CELSR1: variants seen among roughly 807,000 people sequenced by gnomAD.
CELSR1 encodes the protein cadherin EGF LAG seven-pass G-type receptor 1.
A neutral mutation model predicts 249.1 loss-of-function variants in CELSR1; 110 were observed. The ratio of observed to expected loss-of-function variants is 0.44; its 90% CI spans 0.38 to 0.52. CELSR1 has a LOEUF of 0.52. CELSR1 is among the 20% of genes least tolerant of loss of function. CELSR1 has a pLI of 0.00. For missense variants in CELSR1, 4,109 were observed against 4,296.4 expected, an observed-to-expected ratio of 0.96 and a Z score of 1.22; for synonymous variants, 2,113 against 1,900.0, an observed-to-expected ratio of 1.11 and a Z score of -2.92.
In CELSR1 at chr22:46,386,387, C is replaced by T. The variant is rs764493064; in HGVS notation, c.6739+15G>A. On this transcript the variant is annotated intron_variant, in intron 19 of 34. Transcript: ENST00000674500. ...TGGTAGCAGGGTTCCACCCCCAACG[C>T]AGCCAGCGCCTTACTCATGTTGGCG... 1 of 1,534,526 alleles carries T rather than the reference C, an allele frequency of 6.5e-7. No individual in the cohort carries two copies. Among genetic ancestry groups the T allele is most frequent in the Non-Finnish European group, 8.8e-7 (1 of 1,138,424 alleles).
At chr22:46,392,311 C>T (rs1055448924) in intron 14 of CELSR1, among the ~76,000 whole-genome samples, 1 of 152,168 alleles carries the variant, frequency 6.6e-6, no homozygotes, top group African/African-American at 2.4e-5. Context: ...GTCACCGGGA[C>T]TCCCCAGGCC....
chr22:46,475,917 C>T (rs984276334), intron 1 of CELSR1, among the ~76,000 whole-genome samples: 2 of 152,098 alleles, frequency 1.3e-5, no homozygotes, highest in African/African-American at 4.8e-5. Flanking sequence ...CTTGATGGAA[C>T]CTTCTGGAAG....
At position 46,386,572 on chromosome 22, in the gene CELSR1, G is replaced by A. The variant is rs768579139; in HGVS notation, c.6569C>T (p.Ser2190Leu). The A allele has an allele frequency of 3.3e-5, 52 of 1,594,520 alleles. No individual in the cohort carries two copies. The highest frequency in any genetic ancestry group is 2.1e-4 in the African/African-American group (16 of 74,616). ...DADFHEDVIH[S>L]GSALLAPATR... ...GGCTGGGGCCAGGAGGGCGCTGCCCGAGTGGATGACGTCCTGGTCAGACAG... is the reference window on the plus strand; with the variant it reads ...GGCTGGGGCCAGGAGGGCGCTGCCCAAGTGGATGACGTCCTGGTCAGACAG... Residue 2190 changes from serine (S) to leucine (L), a missense_variant, in exon 19 of 35, where the codon TCG (serine) becomes TTG (leucine). By Grantham distance (145) the Ser-to-Leu change is moderately radical (BLOSUM62 -2). This residue lies in a region of CELSR1 where 1,805 missense variants were observed against 1,831.6 expected (regional missense o/e 0.99). Transcript: ENST00000674500.
chr22:46,397,753 G>A lies in CELSR1; in HGVS notation c.5622C>T (p.Asp1874=), dbSNP rs34107040. Residue 1874 remains aspartate (D), a synonymous_variant, in exon 12 of 35, where the codon GAC becomes GAT. Transcript: ENST00000674500. The part of the protein sequence containing the change: ...VRVKDGCDVD[D]PCTSSPCPPN... The stretch of plus-strand genomic sequence containing the variant: ...GGGGACAGGGGCTCGAGGTACAGGG[G>A]TCGTCCACATCACAGCCGTCCTTCA... 1.5e-3 allele frequency: 2,456 copies of A among 1,600,478 alleles called. 39 individuals carry two copies. The African/African-American group carries it at 0.029, about 19-fold the overall frequency.
intron 1 of CELSR1, among the ~76,000 whole-genome samples, chr22:46,493,943 C>T (rs1466992449): frequency 6.6e-6 from 1 of 152,126 alleles, no homozygotes; most frequent in East Asian, 1.9e-4. Flanking sequence ...CACACTAATA[C>T]CTTACTTCTC....
At chr22:46,432,642 G>A (rs2079608925) in intron 5 of CELSR1, among the ~76,000 whole-genome samples, 1 of 152,206 alleles carries the variant, frequency 6.6e-6, no homozygotes, top group Non-Finnish European at 1.5e-5. Context: ...AAAATAAAGT[G>A]AAACCAAAAC....
rs1015235935 is a variant in CELSR1 at position 46,447,916 on chromosome 22, G to A, written c.4184-8505C>T. 3.9e-5 allele frequency among the ~76,000 whole-genome samples: 6 copies of A among 152,164 alleles called. No individual in the cohort carries two copies. The highest frequency in any genetic ancestry group is 1.2e-4 in the African/African-American group (5 of 41,442). ...ATTACAGGTGCGAGCCACCACACCC[G>A]GCCAGAAAAGCATTCTTAACGGCAA... On this transcript the variant is annotated intron_variant, in intron 2 of 34. Transcript: ENST00000674500. This position sits in a 1 kb window ranked among gnomAD's most constrained non-coding sequence, Gnocchi z 4.7.
intron 5 of CELSR1, among the ~76,000 whole-genome samples, chr22:46,418,334 A>G (rs190829864): frequency 2.6e-5 from 4 of 152,208 alleles, no homozygotes; most frequent in Admixed American, 2.6e-4. Context: ...AATACAAAAA[A>G]AATTAGCCAG....
Position 46,536,910 on chromosome 22 carries a change from C to G in CELSR1, c.261G>C (p.Pro87=). Reference sequence around the variant, plus strand: ...TGCGGGCCACCAAGCGGACTTGCAGCGGCAGCGGGCGCCCCGCGCCCGAGA... The same window carrying G: ...TGCGGGCCACCAAGCGGACTTGCAGGGGCAGCGGGCGCCCCGCGCCCGAGA... The part of the protein sequence containing the change: ...RRVSGAGRPL[P]LQVRLVARSA... Residue 87 remains proline (P), a synonymous_variant, in exon 1 of 35, where the codon CCG becomes CCC. Coordinates refer to ENST00000674500, the MANE Select transcript of CELSR1 (RefSeq NM_001378328.1). The G allele has an allele frequency of 8.4e-7, 1 of 1,188,384 alleles. No individual in the cohort carries two copies. The highest frequency in any genetic ancestry group is 1.0e-6 in the Non-Finnish European group (1 of 959,230). The allele number at this position is 1,188,384 out of a possible 1,614,324, so 73.6% of individuals were successfully genotyped here. A position where few individuals can be genotyped will look rare whatever the true frequency, so the allele number is the denominator to read the frequency against.
At chr22:46,388,348 TA>T (rs887827162) in intron 18 of CELSR1, among the ~76,000 whole-genome samples, 84 of 143,220 alleles carry the variant, frequency 5.9e-4, no homozygotes, top group Middle Eastern at 7.0e-3. Flanking sequence ...GACCCCATCT[TA>T]AAAAAAAAAA....
At chr22:46,416,582 G>T (rs2079404580) in intron 5 of CELSR1, among the ~76,000 whole-genome samples, 1 of 152,206 alleles carries the variant, frequency 6.6e-6, no homozygotes, top group Admixed American at 6.5e-5. Context: ...GCTCCCTGGG[G>T]CAGGCGGAAA....
intron 1 of CELSR1, among the ~76,000 whole-genome samples, chr22:46,495,946 C>A (rs1002513156): frequency 2.0e-5 from 3 of 152,064 alleles, no homozygotes; most frequent in South Asian, 2.1e-4. Flanking sequence ...GTAATCCCAG[C>A]GCTTTGGGAG....
At chr22:46,424,321 C>T (rs2079513701) in intron 5 of CELSR1, among the ~76,000 whole-genome samples, 2 of 152,100 alleles carry the variant, frequency 1.3e-5, no homozygotes, top group Non-Finnish European at 2.9e-5. Flanking sequence ...TCAAGCAATC[C>T]TCCCACCTTA....
At chr22:46,494,864 C>G (rs1486699670) in intron 1 of CELSR1, among the ~76,000 whole-genome samples, 2 of 152,154 alleles carry the variant, frequency 1.3e-5, no homozygotes, top group Admixed American at 1.3e-4. Flanking sequence ...TACATTTATT[C>G]TTGGTTATGT....
intron 1 of CELSR1, among the ~76,000 whole-genome samples, chr22:46,508,920 T>A (rs1048657512): frequency 6.6e-6 from 1 of 152,028 alleles, no homozygotes; most frequent in Non-Finnish European, 1.5e-5. Context: ...GCGGCTACGA[T>A]GGTCAAAGCA....
At chr22:46,366,568 C>T in intron 29 of CELSR1, 88 bp from the exon 30 acceptor site, 1 of 1,026,300 alleles carries the variant, frequency 9.7e-7, no homozygotes, top group Non-Finnish European at 1.5e-6. Flanking sequence ...CGGCAAGCCC[C>T]CCACACCCAC....
chr22:46,385,505 C>A (rs2079022454), intron 19 of CELSR1, among the ~76,000 whole-genome samples: 1 of 152,106 alleles, frequency 6.6e-6, no homozygotes, highest in Non-Finnish European at 1.5e-5. Context: ...ACCCACCCTT[C>A]TAGAGTCTCA....
Position 46,386,565 on chromosome 22 carries a change from G to T in CELSR1, c.6576C>A (p.Ser2192Arg). The T allele has an allele frequency of 1.3e-6, 2 of 1,595,960 alleles. No individual in the cohort carries two copies. ...CCCTGGTGGCTGGGGCCAGGAGGGC[G>T]CTGCCCGAGTGGATGACGTCCTGGT... ...DFHEDVIHSG[S>R]ALLAPATRAA... The change falls in exon 19 of 35, where the codon AGC becomes AGA. Residue 2192 changes from serine to arginine, a missense_variant. Physicochemically the swap from Ser to Arg is moderately radical, Grantham distance 110. Around this residue, in one of 7 missense-constraint regions of CELSR1, gnomAD observed 1,805 missense variants for 1,831.6 expected, o/e 0.99. Coordinates refer to ENST00000674500, the MANE Select transcript of CELSR1 (RefSeq NM_001378328.1).
At chr22:46,499,235 G>A (rs1255102898) in intron 1 of CELSR1, among the ~76,000 whole-genome samples, 1 of 150,838 alleles carries the variant, frequency 6.6e-6, no homozygotes, top group Non-Finnish European at 1.5e-5. Flanking sequence ...TACACTCCTG[G>A]GCTCAGCAAT....
Sources: allele counts gnomAD v4.1 joint callset (sites outside exome capture counted in the v4.1 genomes callset), GRCh38; gene constraint gnomAD v4.1.1; regional missense constraint gnomAD v4.1.1; non-coding constraint Gnocchi (gnomAD v3.1); transcripts MANE v1.5; gene names NCBI Gene and HGNC (gene_info 2026-07-23, HGNC 2026-07-21).